The following RIN2 variants were observed in gnomAD, a reference collection of about 807,000 sequenced individuals.
RIN2 encodes Ras and Rab interactor 2, also known as RAB5 interacting protein 2.
Under a neutral mutation model 78.0 loss-of-function variants are expected in RIN2, and 36 were observed. That is an observed-to-expected ratio of 0.46 (90% CI 0.35 to 0.61). RIN2 has a LOEUF of 0.61. Among genes scored for constraint, RIN2 ranks in the 20% least tolerant of loss-of-function variants. The probability of loss-of-function intolerance (pLI) is 0.00; values close to 1 mark genes in which losing one functional copy is unlikely to be tolerated. For synonymous variants in RIN2, 466 were observed against 466.8 expected, an observed-to-expected ratio of 1.00 and a Z score of 0.02; for missense variants, 1,087 against 1,159.7, an observed-to-expected ratio of 0.94 and a Z score of 0.91.
chr20:19,899,585 G>T (rs111416086), intron 3 of RIN2, among the ~76,000 whole-genome samples: 6 of 152,262 alleles, frequency 3.9e-5, no homozygotes, highest in African/African-American at 1.4e-4. Context: ...TATGAGATTT[G>T]GGAGGAGTTG....
intron 2 of RIN2, among the ~76,000 whole-genome samples, chr20:19,815,122 A>T (rs569334453): frequency 2.6e-4 from 39 of 152,290 alleles, no homozygotes; most frequent in African/African-American, 8.2e-4. Flanking sequence ...GATCAGTCCT[A>T]ATAACTCTGA....
chr20:19,941,197 G>A (rs2040856826), intron 4 of RIN2, among the ~76,000 whole-genome samples: 1 of 152,128 alleles, frequency 6.6e-6, no homozygotes, highest in Non-Finnish European at 1.5e-5. Flanking sequence ...GGCCTCTTCT[G>A]GGAAGCTCTG....
rs2042752518 is a variant in RIN2 at position 19,990,198 on chromosome 20, A to G, written c.1955A>G (p.Glu652Gly). Residue 652 changes from glutamate (E) to glycine (G), a missense_variant, in exon 10 of 13, where the codon GAG becomes GGG. Transcript: ENST00000255006. ...CCGACCCCTGATTTTGTGGATGTGGAGAAAATCAAAGTCAAGTTCATGACC... is the reference window on the plus strand; with the variant it reads ...CCGACCCCTGATTTTGTGGATGTGGGGAAAATCAAAGTCAAGTTCATGACC... ...FAPTPDFVDV[E>G]KIKVKFMTMQ... 2 of 1,610,458 alleles carry G rather than the reference A, an allele frequency of 1.2e-6. No individual in the cohort carries two copies. Among genetic ancestry groups the G allele is most frequent in the African/African-American group, 1.3e-5 (1 of 74,890 alleles).
At chr20:19,800,558 C>T (rs774489060) in intron 2 of RIN2, among the ~76,000 whole-genome samples, 7 of 152,178 alleles carry the variant, frequency 4.6e-5, no homozygotes, top group Non-Finnish European at 8.8e-5. Context: ...GACCCAGCCA[C>T]CATGTTTCTG....
chr20:19,913,198 T>C (rs1043612339), intron 3 of RIN2, among the ~76,000 whole-genome samples: 4 of 152,250 alleles, frequency 2.6e-5, no homozygotes, highest in African/African-American at 9.6e-5. Context: ...TTCTGTTTTG[T>C]TGTCGTTGTT....
At chr20:19,907,937 C>T (rs548936717) in intron 3 of RIN2, among the ~76,000 whole-genome samples, 25 of 152,218 alleles carry the variant, frequency 1.6e-4, no homozygotes, top group African/African-American at 4.6e-4. Context: ...GGTGCTAAGA[C>T]GATGGAGGAT....
At chr20:19,772,515 G>A (rs1036858946) in intron 1 of RIN2, among the ~76,000 whole-genome samples, 5 of 152,200 alleles carry the variant, frequency 3.3e-5, no homozygotes, top group African/African-American at 1.2e-4. Flanking sequence ...TGACTGAACA[G>A]TTTGGGTGCC....
intron 4 of RIN2, among the ~76,000 whole-genome samples, chr20:19,946,713 C>CG (rs2041106203): frequency 1.3e-5 from 1 of 78,008 alleles, no homozygotes; most frequent in Non-Finnish European, 2.6e-5. Context: ...GATTCTATCT[C>CG]AAAAAAAAAA....
At chr20:19,855,175 A>G (rs1183922779) in intron 2 of RIN2, among the ~76,000 whole-genome samples, 4 of 151,896 alleles carry the variant, frequency 2.6e-5, no homozygotes, top group African/African-American at 9.7e-5. Context: ...TTATATGCTG[A>G]ATTACATTTA....
chr20:19,804,720 G>T (rs1050348374), intron 2 of RIN2, among the ~76,000 whole-genome samples: 1 of 152,180 alleles, frequency 6.6e-6, no homozygotes, highest in Non-Finnish European at 1.5e-5. Context: ...CATAAAATGG[G>T]TTAGGGAGAA....
intron 3 of RIN2, among the ~76,000 whole-genome samples, chr20:19,916,971 G>A (rs2039708561): frequency 6.6e-6 from 1 of 152,092 alleles, no homozygotes; most frequent in Non-Finnish European, 1.5e-5. Context: ...AGTGGGCGCA[G>A]GAAAAGTACA....
At chr20:19,905,693 A>G (rs1228700812) in intron 3 of RIN2, among the ~76,000 whole-genome samples, 3 of 152,226 alleles carry the variant, frequency 2.0e-5, no homozygotes, top group Admixed American at 2.0e-4. Context: ...GGCTGCAGCC[A>G]CTGCACTCCA....
chr20:19,953,216 G>C (rs373451292), intron 4 of RIN2, among the ~76,000 whole-genome samples: 3 of 152,078 alleles, frequency 2.0e-5, no homozygotes, highest in East Asian at 3.9e-4. Context: ...TCGGCTCACT[G>C]CAACCTCCAC....
At chr20:19,986,038 G>T (rs1051250132) in intron 9 of RIN2, among the ~76,000 whole-genome samples, 4 of 152,176 alleles carry the variant, frequency 2.6e-5, no homozygotes, top group African/African-American at 4.8e-5. Flanking sequence ...GAGTTTAAAA[G>T]GTTTTGTTTT....
intron 2 of RIN2, among the ~76,000 whole-genome samples, chr20:19,825,550 C>T (rs760016343): frequency 1.3e-5 from 2 of 152,202 alleles, no homozygotes; most frequent in African/African-American, 2.4e-5. Context: ...TTCCTGGGTT[C>T]TTTCCTTACC....
intron 2 of RIN2, among the ~76,000 whole-genome samples, chr20:19,862,025 C>T (rs138842993): frequency 0.011 from 1,727 of 152,154 alleles, 21 homozygotes; most frequent in African/African-American, 0.04. Flanking sequence ...GATGATCACC[C>T]TCCATATCTG....
chr20:19,940,091 A>G (rs199548), intron 4 of RIN2, among the ~76,000 whole-genome samples: 1,804 of 152,184 alleles, frequency 0.012, 38 homozygotes, highest in African/African-American at 0.041. Flanking sequence ...AGTTCAGGCA[A>G]TCCGCCCGCC....
At chr20:19,799,349 T>C (rs1193774935) in intron 1 of RIN2, among the ~76,000 whole-genome samples, 1 of 152,218 alleles carries the variant, frequency 6.6e-6, no homozygotes, top group Non-Finnish European at 1.5e-5. Context: ...AGGATGCTTG[T>C]TAATTAGTTC....
intron 2 of RIN2, among the ~76,000 whole-genome samples, chr20:19,888,168 G>T (rs1000798936): frequency 6.6e-6 from 1 of 152,188 alleles, no homozygotes; most frequent in African/African-American, 2.4e-5. Context: ...AATCTTTAAA[G>T]TGGCCACAGC....
Sources: gnomAD v4.1 joint callset for allele counts (sites outside exome capture counted in the v4.1 genomes callset) on GRCh38, gnomAD v4.1.1 for gene constraint, MANE v1.5 for transcripts, NCBI Gene and HGNC (gene_info 2026-07-23, HGNC 2026-07-21) for gene names.